CYP19A1: variants seen among roughly 807,000 people sequenced by gnomAD.
The protein encoded by CYP19A1 is cytochrome P450 family 19 subfamily A member 1.
A neutral mutation model predicts 44.4 loss-of-function variants in CYP19A1; 32 were observed. The ratio of observed to expected loss-of-function variants is 0.72; its 90% CI spans 0.54 to 0.97. The LOEUF (loss-of-function observed/expected upper bound fraction) is 0.97. Among genes scored for constraint, CYP19A1 ranks in the 50% least tolerant of loss-of-function variants. The probability of loss-of-function intolerance (pLI) is 0.00; values close to 1 mark genes in which losing one functional copy is unlikely to be tolerated. For missense variants in CYP19A1, 598 were observed against 637.8 expected, an observed-to-expected ratio of 0.94 and a Z score of 0.67; for synonymous variants, 212 against 215.6, an observed-to-expected ratio of 0.98 and a Z score of 0.14.
chr15:51,298,350 T>C (rs1401228507), intron 1 of CYP19A1, among the ~76,000 whole-genome samples: 2 of 152,228 alleles, frequency 1.3e-5, no homozygotes, highest in Non-Finnish European at 2.9e-5. Context: ...ATAATTTAGT[T>C]TTATGGAGCC....
chr15:51,223,593 T>TCTCTCTCTCTCACACA (rs1356666512), intron 4 of CYP19A1, among the ~76,000 whole-genome samples: 1 of 90,144 alleles, frequency 1.1e-5, no homozygotes, highest in African/African-American at 4.2e-5. Flanking sequence ...TCTCTCTCTC[T>TCTCTCTCTCTCACACA]CACACACACA....
chr15:51,314,514 T>C (rs2036385934), intron 1 of CYP19A1, among the ~76,000 whole-genome samples: 1 of 152,126 alleles, frequency 6.6e-6, no homozygotes, highest in Admixed American at 6.5e-5. Context: ...CTCCTTTCAA[T>C]AAGAGTTTTA....
At chr15:51,320,536 T>A (rs1471545576) in intron 1 of CYP19A1, among the ~76,000 whole-genome samples, 2 of 152,238 alleles carry the variant, frequency 1.3e-5, no homozygotes, top group African/African-American at 4.8e-5. Flanking sequence ...AGGTACTCCA[T>A]GTAAAGACAC....
intron 1 of CYP19A1, among the ~76,000 whole-genome samples, chr15:51,311,321 A>G (rs145709040): frequency 2.0e-5 from 3 of 152,382 alleles, no homozygotes; most frequent in Admixed American, 1.3e-4. Context: ...ACTGAGAAAC[A>G]CAATATCTGA....
intron 1 of CYP19A1, chr15:51,318,645 G>A (rs1044954905): frequency 2.0e-5 from 3 of 152,194 alleles, no homozygotes; most frequent in Admixed American, 1.3e-4. Context: ...CATGGGGCAG[G>A]GGTGTCAGAG....
chr15:51,290,747 C>T (rs1039815133), intron 1 of CYP19A1, among the ~76,000 whole-genome samples: 9 of 152,230 alleles, frequency 5.9e-5, no homozygotes, highest in African/African-American at 2.2e-4. Flanking sequence ...CTTCTTCCTT[C>T]CCTCCGAGCG....
intron 1 of CYP19A1, chr15:51,321,862 G>C (rs1004540473): frequency 1.3e-5 from 2 of 152,160 alleles, no homozygotes; most frequent in African/African-American, 4.8e-5. Flanking sequence ...GGGAAGGCCT[G>C]GGCCCTCATC....
At chr15:51,281,429 C>T (rs2035513952) in intron 1 of CYP19A1, among the ~76,000 whole-genome samples, 1 of 152,196 alleles carries the variant, frequency 6.6e-6, no homozygotes, top group Admixed American at 6.5e-5. Context: ...GGGCCATGTC[C>T]TGGACAGAAA....
Position 51,242,642 on chromosome 15 carries a change from C to T in CYP19A1, c.145+126G>A, listed in dbSNP as rs2033838595. 4.3e-6 allele frequency: 3 copies of T among 696,904 alleles called. No homozygotes were observed. The South Asian group carries it at 4.6e-5, about 11-fold the overall frequency. 43.2% of individuals were successfully genotyped at this position (696,904 alleles called of 1,614,324 possible). A position where few individuals can be genotyped will look rare whatever the true frequency, so the allele number is the denominator to read the frequency against. On this transcript the variant is annotated intron_variant, in intron 2 of 9. Transcript: ENST00000396402. ...TCTCCCAAGTCCTCATTTGCTAACACAGACATAGTCTTCAGAGATCTTTCC... is the reference window on the plus strand; with the variant it reads ...TCTCCCAAGTCCTCATTTGCTAACATAGACATAGTCTTCAGAGATCTTTCC...
chr15:51,265,579 T>C (rs2034887874), intron 1 of CYP19A1, among the ~76,000 whole-genome samples: 1 of 152,130 alleles, frequency 6.6e-6, no homozygotes, highest in Admixed American at 6.5e-5. Flanking sequence ...CTGACTGCAG[T>C]TTCCTATCAT....
At chr15:51,297,761 T>A (rs559769703) in intron 1 of CYP19A1, among the ~76,000 whole-genome samples, 1 of 150,940 alleles carries the variant, frequency 6.6e-6, no homozygotes, top group Non-Finnish European at 1.5e-5. Flanking sequence ...CTCATTGTAG[T>A]CTCCTTGTAG....
chr15:51,333,202 G>A (rs1433198624), intron 1 of CYP19A1, among the ~76,000 whole-genome samples: 1 of 152,168 alleles, frequency 6.6e-6, no homozygotes, highest in African/African-American at 2.4e-5. Context: ...TGCCCCCTAA[G>A]TATAAGGGTA....
chr15:51,282,492 A>G (rs920842385), intron 1 of CYP19A1, among the ~76,000 whole-genome samples: 2 of 152,196 alleles, frequency 1.3e-5, no homozygotes, highest in African/African-American at 4.8e-5. Context: ...CTTTTGACCC[A>G]CACATTCTCA....
chr15:51,238,307 G>A (rs2033535334), intron 2 of CYP19A1, among the ~76,000 whole-genome samples: 1 of 152,132 alleles, frequency 6.6e-6, no homozygotes, highest in Non-Finnish European at 1.5e-5. Flanking sequence ...AGATTTGATT[G>A]AATATGTATT....
intron 1 of CYP19A1, among the ~76,000 whole-genome samples, chr15:51,244,303 A>G (rs1013489485): frequency 2.0e-5 from 3 of 152,228 alleles, no homozygotes; most frequent in Non-Finnish European, 2.9e-5. Flanking sequence ...CAAAATTTTT[A>G]CAACATAGTT....
intron 4 of CYP19A1, among the ~76,000 whole-genome samples, chr15:51,226,425 T>C (rs2032583675): frequency 6.6e-6 from 1 of 152,202 alleles, no homozygotes; most frequent in Admixed American, 6.5e-5. Flanking sequence ...GCCACTTAGT[T>C]TGTGGCAATT....
At chr15:51,229,361 A>G (rs1017631279) in intron 3 of CYP19A1, among the ~76,000 whole-genome samples, 13 of 150,748 alleles carry the variant, frequency 8.6e-5, no homozygotes, top group Admixed American at 8.0e-4. Flanking sequence ...TTGCACTCCA[A>G]CCTAGGTGAC....
At chr15:51,227,032 T>A (rs987089395) in intron 4 of CYP19A1, among the ~76,000 whole-genome samples, 3 of 152,162 alleles carry the variant, frequency 2.0e-5, no homozygotes, top group African/African-American at 7.2e-5. Context: ...TGTTTGGCCG[T>A]GTTTAAATCA....
intron 2 of CYP19A1, among the ~76,000 whole-genome samples, chr15:51,239,192 A>G (rs2033596305): frequency 6.6e-6 from 1 of 152,180 alleles, no homozygotes; most frequent in Non-Finnish European, 1.5e-5. Context: ...TTCACACCCT[A>G]AAAGAAGCAG....
Sources: gnomAD v4.1 joint callset for allele counts (sites outside exome capture counted in the v4.1 genomes callset) on GRCh38, gnomAD v4.1.1 for gene constraint, MANE v1.5 for transcripts, NCBI Gene and HGNC (gene_info 2026-07-23, HGNC 2026-07-21) for gene names.